The following FANK1 variants were observed in gnomAD, a reference collection of about 807,000 sequenced individuals.
FANK1 encodes the protein fibronectin type 3 and ankyrin repeat domains protein 1.
In FANK1, 44 loss-of-function variants were observed where a neutral mutation model predicts 45.3. That is an observed-to-expected ratio of 0.97 (90% CI 0.76 to 1.25). FANK1 has a LOEUF of 1.25. Ranked by LOEUF, FANK1 falls within the 50% of genes most tolerant of loss-of-function variation. FANK1 has a pLI of 0.00. For missense variants in FANK1, 391 were observed against 424.4 expected, an observed-to-expected ratio of 0.92 and a Z score of 0.69; for synonymous variants, 149 against 152.5, an observed-to-expected ratio of 0.98 and a Z score of 0.17.
chr10:125,965,839 C>G (rs1051473895), intron 1 of FANK1, among the ~76,000 whole-genome samples: 1 of 152,182 alleles, frequency 6.6e-6, no homozygotes, highest in South Asian at 2.1e-4. Context: ...TATAGAACTC[C>G]AAGCAGGGTT....
At chr10:125,921,312 C>T (rs1913747) in intron 1 of FANK1, among the ~76,000 whole-genome samples, 1 of 150,818 alleles carries the variant, frequency 6.6e-6, no homozygotes, top group East Asian at 2.0e-4. Flanking sequence ...ATCGTTCAGG[C>T]TGTAGCCTTT....
chr10:125,910,584 A>ATTTT (rs1945911311), intron 1 of FANK1, among the ~76,000 whole-genome samples: 1 of 152,120 alleles, frequency 6.6e-6, no homozygotes, highest in African/African-American at 2.4e-5. Context: ...CTGACATTAT[A>ATTTT]TTTTGGTGAG....
intron 1 of FANK1, among the ~76,000 whole-genome samples, chr10:125,901,852 G>C (rs1386580924): frequency 1.3e-5 from 2 of 152,238 alleles, no homozygotes; most frequent in Non-Finnish European, 2.9e-5. Context: ...TGGACGTGGT[G>C]GCTCACGCCT....
At chr10:125,988,400 T>G in intron 2 of FANK1, 151 bp from the exon 3 acceptor site, 1 of 1,100,346 alleles carries the variant, frequency 9.1e-7, no homozygotes, top group Non-Finnish European at 1.3e-6. Flanking sequence ...GGACTTGTCC[T>G]TCATTCTCTC....
intron 1 of FANK1, among the ~76,000 whole-genome samples, chr10:125,951,124 G>T (rs1949191449): frequency 6.7e-6 from 1 of 148,718 alleles, no homozygotes; most frequent in African/African-American, 2.5e-5. Context: ...GGATAGCAAT[G>T]GGAGATATAC....
In FANK1 at chr10:125,944,490, C is replaced by T. The variant is rs137908308; in HGVS notation, c.14-35671C>T. On this transcript the variant is annotated intron_variant, in intron 1 of 10. Coordinates refer to ENST00000368693, the MANE Select transcript of FANK1 (RefSeq NM_145235.5). ...TTTTCACTTAACAATTCAATACCTT[C>T]CTGTTGGGAGCAGGCCCCCCAAAAT... is the stretch of plus-strand genomic sequence containing the variant. Among the ~76,000 whole-genome samples the T allele has an allele frequency of 2.5e-3, 378 of 152,280 alleles. 1 individual carries two copies. The highest frequency in any genetic ancestry group is 8.5e-3 in the African/African-American group (352 of 41,542).
chr10:125,983,011 A>G lies in FANK1; in HGVS notation c.191+2673A>G, dbSNP rs1211732569. Among the ~76,000 whole-genome samples, 1 of 151,582 alleles carries G rather than the reference A, an allele frequency of 6.6e-6. No individual in the cohort carries two copies. Among genetic ancestry groups the G allele is most frequent in the African/African-American group, 2.4e-5 (1 of 41,188 alleles). On this transcript the variant is annotated intron_variant, in intron 2 of 10. Transcript: ENST00000368693. This position sits in a 1 kb window ranked among gnomAD's most constrained non-coding sequence, Gnocchi z 4.3. ...TCTTTGGTGGGTCCTCCATTGCTTAAAGGATAAAGGCCAAATTCCTTAGAC... is the reference window on the plus strand; with the variant it reads ...TCTTTGGTGGGTCCTCCATTGCTTAGAGGATAAAGGCCAAATTCCTTAGAC...
intron 1 of FANK1, among the ~76,000 whole-genome samples, chr10:125,933,610 TTTTG>T (rs1238991894): frequency 1.3e-5 from 2 of 152,172 alleles, no homozygotes; most frequent in African/African-American, 4.8e-5. Flanking sequence ...GTTTCGTCTT[TTTTG>T]TTTGTTTCAA....
intron 3 of FANK1, among the ~76,000 whole-genome samples, chr10:125,993,303 CAG>C (rs1277782987): frequency 2.0e-5 from 3 of 152,116 alleles, no homozygotes; most frequent in East Asian, 1.9e-4. Flanking sequence ...AATGGGATAA[CAG>C]AGACTTTTAT....
chr10:125,928,105 G>A (rs2134138256), intron 1 of FANK1, among the ~76,000 whole-genome samples: 1 of 152,188 alleles, frequency 6.6e-6, no homozygotes, highest in South Asian at 2.1e-4. Context: ...AGAATTCAGG[G>A]CGAGTCCATA....
chr10:125,997,550 C>G (rs1952435331), intron 6 of FANK1, 65 bp downstream of exon 6: 1 of 1,477,464 alleles, frequency 6.8e-7, no homozygotes, highest in Non-Finnish European at 9.3e-7. Context: ...AGGCTTGTGC[C>G]CAGAGGGGTT....
At chr10:125,969,895 T>C (rs1212942780) in intron 1 of FANK1, among the ~76,000 whole-genome samples, 1 of 152,242 alleles carries the variant, frequency 6.6e-6, no homozygotes, top group Non-Finnish European at 1.5e-5. Flanking sequence ...TTAATCCATT[T>C]AACCCTGAGT....
chr10:125,906,704 G>T (rs1459227425), intron 1 of FANK1, among the ~76,000 whole-genome samples: 2 of 151,842 alleles, frequency 1.3e-5, no homozygotes, highest in African/African-American at 4.8e-5. Flanking sequence ...TAAATTTATA[G>T]AATTCTTATG....
At chr10:125,906,092 T>C (rs954233324) in intron 1 of FANK1, among the ~76,000 whole-genome samples, 2 of 152,300 alleles carry the variant, frequency 1.3e-5, no homozygotes, top group African/African-American at 4.8e-5. Flanking sequence ...TTCTAAAGGC[T>C]ATGGTTCACG....
At position 125,997,527 on chromosome 10, in the gene FANK1, G is replaced by C. The variant is rs774249318; in HGVS notation, c.539+42G>C. Reference sequence around the variant, plus strand: ...GACTGAAATTGTGCTGATGTTCTCAGAATTGTGTTGCTAGGCTTGTGCCCA... The same window carrying C: ...GACTGAAATTGTGCTGATGTTCTCACAATTGTGTTGCTAGGCTTGTGCCCA... On this transcript the variant is annotated intron_variant, in intron 6 of 10. Coordinates refer to ENST00000368693, the MANE Select transcript of FANK1 (RefSeq NM_145235.5). 14 of 1,577,998 alleles carry C rather than the reference G, an allele frequency of 8.9e-6. 1 individual carries two copies. In the East Asian group the frequency reaches 3.1e-4, roughly 35 times the overall value.
rs1485681169 is a variant in FANK1, at chr10:125,988,668, T to G, written c.309T>G (p.Ser103=). Residue 103 remains serine (S), a synonymous_variant, in exon 3 of 11, where the codon TCT becomes TCG. Transcript: ENST00000368693. ...AGTACAGCCCACTCGTCTCAGTGTC[T>G]ACAACCAGTGAGTATTCAGACCGTC... ...ECEYSPLVSV[S]TTREPISSEH... The G allele has an allele frequency of 1.2e-6, 2 of 1,614,080 alleles. No individual in the cohort carries two copies. Among genetic ancestry groups the G allele is most frequent in the African/African-American group, 2.7e-5 (2 of 74,918 alleles).
At chr10:125,996,473 C>A in intron 4 of FANK1, 77 bp from the exon 5 acceptor site, 2 of 1,357,284 alleles carry the variant, frequency 1.5e-6, no homozygotes, top group South Asian at 1.2e-5. Flanking sequence ...CCCACCTAAG[C>A]CCTGTGAGAA....
rs34132526 is a variant in FANK1 at position 125,906,515 on chromosome 10, C to CAAAAAAAAAAAAAAAAAAA, written c.13+9871_13+9889dup. Among the ~76,000 whole-genome samples, 58 of 46,414 alleles carry CAAAAAAAAAAAAAAAAAAA rather than the reference C, an allele frequency of 1.2e-3. 5 individuals carry two copies. The highest frequency in any genetic ancestry group is 1.8e-3 in the African/African-American group (24 of 13,422). The allele number at this position is 46,414 out of a possible 152,430, so 30.4% of individuals were successfully genotyped here. A position where few individuals can be genotyped will look rare whatever the true frequency, so the allele number is the denominator to read the frequency against. ...TTGGGGACAGAGCAAGACTCTGTCT[C>CAAAAAAAAAAAAAAAAAAA]AAAAAAAAAAAAAAAAAAAAAAAAA... On this transcript the variant is annotated intron_variant, in intron 1 of 10. Transcript: ENST00000368693.
At chr10:125,993,627 C>T (rs1489527331) in intron 3 of FANK1, among the ~76,000 whole-genome samples, 1 of 152,200 alleles carries the variant, frequency 6.6e-6, no homozygotes, top group Non-Finnish European at 1.5e-5. Context: ...AAAACCCTGC[C>T]TCCTTTCTAA....
Sources: allele counts gnomAD v4.1 joint callset (sites outside exome capture counted in the v4.1 genomes callset), GRCh38; gene constraint gnomAD v4.1.1; non-coding constraint Gnocchi (gnomAD v3.1); transcripts MANE v1.5; gene names NCBI Gene and HGNC (gene_info 2026-07-23, HGNC 2026-07-21).